CDH13: variants seen among roughly 807,000 people sequenced by gnomAD.
CDH13 encodes the protein cadherin-13.
Under a neutral mutation model 63.8 loss-of-function variants are expected in CDH13, and 24 were observed. The ratio of observed to expected loss-of-function variants is 0.38; its 90% CI spans 0.27 to 0.53. The LOEUF (loss-of-function observed/expected upper bound fraction) is 0.53. CDH13 is among the 20% of genes least tolerant of loss of function. The pLI is 0.85. For missense variants in CDH13, 1,049 were observed against 903.1 expected (o/e 1.16, Z -2.07); for synonymous variants, 503 against 355.3 (o/e 1.42, Z -4.67).
At chr16:82,909,436 T>A (rs1054884004) in intron 2 of CDH13, among the ~76,000 whole-genome samples, 3 of 152,224 alleles carry the variant, frequency 2.0e-5, no homozygotes, top group African/African-American at 7.2e-5. Flanking sequence ...TAAGTTGTTT[T>A]TAACTATTCT....
intron 7 of CDH13, among the ~76,000 whole-genome samples, chr16:83,537,880 AC>A (rs1220716227): frequency 6.6e-6 from 1 of 152,204 alleles, no homozygotes; most frequent in Non-Finnish European, 1.5e-5. Context: ...TTATACCATA[AC>A]TATATTCAAC....
intron 1 of CDH13, among the ~76,000 whole-genome samples, chr16:82,700,970 C>CCCCA (rs2030947465): frequency 2.3e-5 from 1 of 44,038 alleles, no homozygotes; most frequent in Non-Finnish European, 6.4e-5. Context: ...CCCCCCCCCC[C>CCCCA]CCCCGCCCCG....
At chr16:83,501,510 C>T (rs750415922) in intron 7 of CDH13, among the ~76,000 whole-genome samples, 22 of 152,178 alleles carry the variant, frequency 1.4e-4, no homozygotes, top group Non-Finnish European at 2.6e-4. Flanking sequence ...AGGTGTGAGA[C>T]AGTTTATGTT....
intron 5 of CDH13, among the ~76,000 whole-genome samples, chr16:83,301,840 C>T (rs767861956): frequency 4.2e-5 from 6 of 141,182 alleles, no homozygotes; most frequent in Non-Finnish European, 9.5e-5. Context: ...TACAAAAATA[C>T]ATTTATGCTT....
intron 6 of CDH13, among the ~76,000 whole-genome samples, chr16:83,361,749 T>G (rs1219265943): frequency 6.6e-6 from 1 of 152,148 alleles, no homozygotes; most frequent in Non-Finnish European, 1.5e-5. Flanking sequence ...GTGTGCAGCT[T>G]TACTTCTCAG....
intron 4 of CDH13, among the ~76,000 whole-genome samples, chr16:83,184,885 G>A (rs2038466587): frequency 6.9e-6 from 1 of 144,176 alleles, no homozygotes; most frequent in East Asian, 2.0e-4. Context: ...TCTAAGCCGT[G>A]TGTGTGTGTG....
intron 1 of CDH13, among the ~76,000 whole-genome samples, chr16:82,771,739 C>G (rs181135074): frequency 6.6e-6 from 1 of 152,268 alleles, no homozygotes; most frequent in East Asian, 1.9e-4. Flanking sequence ...AGTGATGTAT[C>G]GGAAAGGTTG....
intron 5 of CDH13, among the ~76,000 whole-genome samples, chr16:83,228,930 G>A (rs1398754308): frequency 6.6e-6 from 1 of 152,210 alleles, no homozygotes; most frequent in Non-Finnish European, 1.5e-5. Context: ...AAGCCAGAGT[G>A]ACACACATCA....
chr16:82,857,740 C>T (rs1343169244), intron 1 of CDH13, among the ~76,000 whole-genome samples: 1 of 152,106 alleles, frequency 6.6e-6, no homozygotes, highest in Non-Finnish European at 1.5e-5. Context: ...ATTGTCATTT[C>T]AACATGTAAT....
intron 2 of CDH13, among the ~76,000 whole-genome samples, chr16:82,930,107 C>T (rs962389806): frequency 7.7e-6 from 1 of 129,126 alleles, no homozygotes; most frequent in Non-Finnish European, 1.6e-5. Flanking sequence ...TGTATTGGTG[C>T]AATCTCAGCT....
chr16:82,897,753 C>G (rs1167669565), intron 2 of CDH13, among the ~76,000 whole-genome samples: 1 of 152,258 alleles, frequency 6.6e-6, no homozygotes. Flanking sequence ...AGTCCTGAAA[C>G]TGCAAGGGGT....
intron 1 of CDH13, among the ~76,000 whole-genome samples, chr16:82,640,572 C>G (rs747791570): frequency 6.6e-6 from 1 of 152,118 alleles, no homozygotes; most frequent in Non-Finnish European, 1.5e-5. Flanking sequence ...CAAACACAAG[C>G]AGAGCTAGAT....
intron 2 of CDH13, among the ~76,000 whole-genome samples, chr16:82,943,231 G>A (rs1904327457): frequency 6.6e-6 from 1 of 152,026 alleles, no homozygotes; most frequent in Non-Finnish European, 1.5e-5. Flanking sequence ...CTCATGCATA[G>A]AGAAGAAATA....
At chr16:83,210,713 A>G (rs1198916657) in intron 4 of CDH13, among the ~76,000 whole-genome samples, 1 of 151,948 alleles carries the variant, frequency 6.6e-6, no homozygotes, top group Non-Finnish European at 1.5e-5. Context: ...TTCATTTTCT[A>G]TACAAGGAAA....
chr16:82,757,676 T>G lies in CDH13; in HGVS notation c.46-100686T>G, dbSNP rs7190350. Among the ~76,000 whole-genome samples, 1,014 of 104,548 alleles carry G rather than the reference T, an allele frequency of 9.7e-3. 16 individuals carry two copies. Among genetic ancestry groups the G allele is most frequent in the African/African-American group, 0.026 (929 of 36,168 alleles). The allele number at this position is 104,548 out of a possible 152,430, so 68.6% of individuals were successfully genotyped here. On this transcript the variant is annotated intron_variant, in intron 1 of 13. Transcript: ENST00000567109. Reference sequence around the variant, plus strand: ...TTTTTTTTTTTGGGGACAGAGTCTCTCTCTGTCTCCAGGCTGGAGCGCAGT... The same window carrying G: ...TTTTTTTTTTTGGGGACAGAGTCTCGCTCTGTCTCCAGGCTGGAGCGCAGT...
chr16:83,519,584 T>C (rs927682884), intron 7 of CDH13, among the ~76,000 whole-genome samples: 5 of 152,204 alleles, frequency 3.3e-5, no homozygotes, highest in Admixed American at 1.3e-4. Flanking sequence ...TACAGACCCT[T>C]TGATCAGAAG....
chr16:83,731,454 G>A (rs188107731), intron 10 of CDH13, among the ~76,000 whole-genome samples: 184 of 152,248 alleles, frequency 1.2e-3, no homozygotes, highest in Admixed American at 4.1e-3. Context: ...TTGACCGCAC[G>A]TATGTGTTCT....
intron 10 of CDH13, among the ~76,000 whole-genome samples, chr16:83,722,974 G>A (rs558178138): frequency 6.6e-6 from 1 of 152,336 alleles, no homozygotes; most frequent in East Asian, 1.9e-4. Context: ...TCTGAGCACA[G>A]AGCTGAGCTG....
chr16:83,012,250 A>G (rs1373932577), intron 2 of CDH13, among the ~76,000 whole-genome samples: 3 of 150,350 alleles, frequency 2.0e-5, no homozygotes, highest in Non-Finnish European at 3.0e-5. Context: ...TCTCTTTTCA[A>G]TTTTCCAAAT....
Sources: allele counts gnomAD v4.1 joint callset (sites outside exome capture counted in the v4.1 genomes callset), GRCh38; gene constraint gnomAD v4.1.1; transcripts MANE v1.5; gene names NCBI Gene and HGNC (gene_info 2026-07-23, HGNC 2026-07-21).